GRM8: variants seen among roughly 807,000 people sequenced by gnomAD.
GRM8 encodes metabotropic glutamate receptor 8.
A neutral mutation model predicts 87.2 loss-of-function variants in GRM8; 47 were observed. That is an observed-to-expected ratio of 0.54 (90% CI 0.43 to 0.69). The LOEUF is 0.69. GRM8 is among the 30% of genes least tolerant of loss of function. The pLI, the probability that GRM8 is intolerant of heterozygous loss-of-function variation, is 0.00. For synonymous variants in GRM8, 396 were observed against 404.5 expected, an observed-to-expected ratio of 0.98 and a Z score of 0.25; for missense variants, 1,019 against 1,139.2, an observed-to-expected ratio of 0.89 and a Z score of 1.52.
chr7:126,698,610 A>G (rs1478953367), intron 7 of GRM8, among the ~76,000 whole-genome samples: 2 of 152,104 alleles, frequency 1.3e-5, no homozygotes, highest in East Asian at 1.9e-4. Context: ...CATTTTATCC[A>G]TCTGATACAA....
intron 7 of GRM8, among the ~76,000 whole-genome samples, chr7:126,729,305 A>G (rs1322288846): frequency 1.3e-5 from 2 of 152,180 alleles, no homozygotes; most frequent in African/African-American, 4.8e-5. Context: ...CCCCAGGAGC[A>G]TGTTCAACCT....
chr7:126,640,404 A>G (rs1802255500), intron 7 of GRM8, among the ~76,000 whole-genome samples: 1 of 152,168 alleles, frequency 6.6e-6, no homozygotes, highest in Non-Finnish European at 1.5e-5. Context: ...AAACAAAGCT[A>G]GTTTATTTTC....
chr7:126,863,658 C>T (rs929862713), intron 6 of GRM8, among the ~76,000 whole-genome samples: 1 of 152,136 alleles, frequency 6.6e-6, no homozygotes, highest in Admixed American at 6.5e-5. Flanking sequence ...CAGTCATACA[C>T]GCATCTGTCA....
chr7:126,988,666 G>A (rs530767971), intron 3 of GRM8, among the ~76,000 whole-genome samples: 40 of 152,304 alleles, frequency 2.6e-4, no homozygotes, highest in Middle Eastern at 3.4e-3. Context: ...ATTATGCAAT[G>A]AGTTCTTAGT....
At chr7:126,907,261 A>AAGG (rs3038982) in intron 3 of GRM8, among the ~76,000 whole-genome samples, 3 of 137,150 alleles carry the variant, frequency 2.2e-5, no homozygotes, top group Non-Finnish European at 4.6e-5. Flanking sequence ...GAGTAAGAGA[A>AAGG]AGGAGGAGGA....
At chr7:127,008,312 A>G (rs192209727) in intron 3 of GRM8, among the ~76,000 whole-genome samples, 1 of 152,228 alleles carries the variant, frequency 6.6e-6, no homozygotes, top group East Asian at 1.9e-4. Flanking sequence ...ACCACTTAGC[A>G]ACTGACTGAT....
chr7:127,128,632 T>G lies in GRM8; in HGVS notation c.511-21920A>C, dbSNP rs138433214. Among the ~76,000 whole-genome samples, 397 of 152,314 alleles carry G rather than the reference T, an allele frequency of 2.6e-3. 3 individuals carry two copies. Among genetic ancestry groups the G allele is most frequent in the African/African-American group, 9.2e-3 (384 of 41,582 alleles). Reference sequence around the variant, plus strand: ...TTGCAACTATCTTATAAAGCAGATATCATTATCTCTACTTTATAGGTAAGA... The same window carrying G: ...TTGCAACTATCTTATAAAGCAGATAGCATTATCTCTACTTTATAGGTAAGA... On this transcript the variant is annotated intron_variant, in intron 2 of 10. Coordinates refer to ENST00000339582, the MANE Select transcript of GRM8 (RefSeq NM_000845.3).
At chr7:126,680,402 G>C (rs1270490932) in intron 7 of GRM8, among the ~76,000 whole-genome samples, 1 of 152,104 alleles carries the variant, frequency 6.6e-6, no homozygotes, top group Non-Finnish European at 1.5e-5. Context: ...ATTGAGACTT[G>C]CTTTTTAGTT....
At chr7:126,585,305 C>G (rs1391831976) in intron 8 of GRM8, among the ~76,000 whole-genome samples, 1 of 152,104 alleles carries the variant, frequency 6.6e-6, no homozygotes, top group East Asian at 1.9e-4. Context: ...ATAAACCCAT[C>G]TGAGTATTAG....
intron 6 of GRM8, among the ~76,000 whole-genome samples, chr7:126,779,298 A>G (rs935926815): frequency 9.9e-5 from 15 of 152,102 alleles, no homozygotes; most frequent in African/African-American, 3.6e-4. Context: ...TAATTTATAT[A>G]ACATTATTTT....
At chr7:126,823,110 T>G (rs144489562) in intron 6 of GRM8, among the ~76,000 whole-genome samples, 67 of 152,338 alleles carry the variant, frequency 4.4e-4, no homozygotes, top group African/African-American at 1.6e-3. Flanking sequence ...AAGAATGTCA[T>G]ATGGTCTTTG....
chr7:126,486,491 C>T (rs924719002), intron 9 of GRM8, among the ~76,000 whole-genome samples: 30 of 152,000 alleles, frequency 2.0e-4, no homozygotes, highest in African/African-American at 7.0e-4. Flanking sequence ...CTTCTGGTTT[C>T]GCCTGAAGGT....
chr7:126,985,813 C>T (rs1401687527), intron 3 of GRM8, among the ~76,000 whole-genome samples: 1 of 152,184 alleles, frequency 6.6e-6, no homozygotes, highest in Non-Finnish European at 1.5e-5. Context: ...TCCTCACTAT[C>T]CAATCACATC....
chr7:127,093,085 G>A (rs1404970992), intron 3 of GRM8, among the ~76,000 whole-genome samples: 1 of 152,184 alleles, frequency 6.6e-6, no homozygotes, highest in Non-Finnish European at 1.5e-5. Context: ...GAACACCCAA[G>A]GGGTCAAGTA....
At chr7:127,201,326 T>C (rs1795579766) in intron 2 of GRM8, among the ~76,000 whole-genome samples, 1 of 152,204 alleles carries the variant, frequency 6.6e-6, no homozygotes, top group African/African-American at 2.4e-5. Context: ...TAGCATAAAA[T>C]AGCACTAAAT....
chr7:126,858,409 G>A (rs1026625649), intron 6 of GRM8, among the ~76,000 whole-genome samples: 10 of 152,024 alleles, frequency 6.6e-5, no homozygotes, highest in Non-Finnish European at 1.3e-4. Flanking sequence ...ACTCCTGCCT[G>A]CCCCTCCAAC....
At chr7:126,694,153 G>T (rs1415604176) in intron 7 of GRM8, among the ~76,000 whole-genome samples, 1 of 146,046 alleles carries the variant, frequency 6.8e-6, no homozygotes, top group Non-Finnish European at 1.6e-5. Flanking sequence ...AAATAGTTAG[G>T]TCTATTTATA....
chr7:127,129,909 T>C (rs185796988), intron 2 of GRM8, among the ~76,000 whole-genome samples: 110 of 152,274 alleles, frequency 7.2e-4, no homozygotes, highest in Non-Finnish European at 8.8e-5. Flanking sequence ...AACGATATGG[T>C]TTGGCTCTAT....
At chr7:126,935,281 T>C (rs1323784009) in intron 3 of GRM8, among the ~76,000 whole-genome samples, 1 of 152,046 alleles carries the variant, frequency 6.6e-6, no homozygotes, top group Non-Finnish European at 1.5e-5. Flanking sequence ...GAAACTTCCA[T>C]GGCAAAGACG....
Sources: gnomAD v4.1 joint callset for allele counts (sites outside exome capture counted in the v4.1 genomes callset) on GRCh38, gnomAD v4.1.1 for gene constraint, MANE v1.5 for transcripts, NCBI Gene and HGNC (gene_info 2026-07-23, HGNC 2026-07-21) for gene names.